The following SERGEF variants were observed in gnomAD, a reference collection of about 807,000 sequenced individuals.
SERGEF encodes the protein secretion-regulating guanine nucleotide exchange factor.
SERGEF carries 51 observed loss-of-function variants against 50.0 expected under a neutral mutation model. The ratio of observed to expected loss-of-function variants is 1.02; its 90% CI spans 0.81 to 1.29. SERGEF has a LOEUF of 1.29. Among genes scored for constraint, SERGEF ranks in the 50% most tolerant of loss-of-function variants. SERGEF has a pLI of 0.00. For missense variants in SERGEF, 521 were observed against 557.0 expected (o/e 0.94, Z 0.65); for synonymous variants, 205 against 212.4 (o/e 0.97, Z 0.30).
At chr11:17,903,317 G>A (rs1175790115) in intron 9 of SERGEF, among the ~76,000 whole-genome samples, 2 of 152,182 alleles carry the variant, frequency 1.3e-5, no homozygotes, top group African/African-American at 4.8e-5. Context: ...GTTGAGAGTG[G>A]GGGCAGAAAC....
intron 4 of SERGEF, among the ~76,000 whole-genome samples, chr11:18,002,657 G>A (rs1001338414): frequency 6.6e-6 from 1 of 152,068 alleles, no homozygotes; most frequent in African/African-American, 2.4e-5. Context: ...CTCCTTTGGG[G>A]ATATACATGC....
intron 10 of SERGEF, among the ~76,000 whole-genome samples, chr11:17,875,246 G>A (rs1416880211): frequency 2.0e-5 from 3 of 152,212 alleles, no homozygotes; most frequent in Non-Finnish European, 4.4e-5. Flanking sequence ...ATTTATTGCT[G>A]TAACCGTAGG....
At chr11:17,815,967 T>C (rs1168870156) in intron 10 of SERGEF, among the ~76,000 whole-genome samples, 1 of 152,036 alleles carries the variant, frequency 6.6e-6, no homozygotes, top group Non-Finnish European at 1.5e-5. Flanking sequence ...CCTCAAATAC[T>C]AAGGGGAAGA....
intron 10 of SERGEF, among the ~76,000 whole-genome samples, chr11:17,862,587 G>A (rs1003676300): frequency 6.6e-6 from 1 of 152,204 alleles, no homozygotes; most frequent in Admixed American, 6.5e-5. Flanking sequence ...ACATTTAAGG[G>A]CTTTAGGTGC....
Position 17,878,264 on chromosome 11 carries a change from C to G in SERGEF, c.1012-20G>C. The stretch of plus-strand genomic sequence containing the variant: ...AGAGACCTGTAAAAAAAAAAAAAGA[C>G]AAAGAAAATGGATAGATATTTCAGC... On this transcript the variant is annotated intron_variant, in intron 9 of 10. Coordinates refer to ENST00000265965, the MANE Select transcript of SERGEF (RefSeq NM_012139.4). The G allele has an allele frequency of 6.8e-7, 1 of 1,467,424 alleles. No homozygotes were observed. The highest frequency in any genetic ancestry group is 9.4e-7 in the Non-Finnish European group (1 of 1,061,654). 90.9% of individuals were successfully genotyped at this position (1,467,424 alleles called of 1,614,324 possible).
chr11:17,863,769 C>G (rs559973307), intron 10 of SERGEF: 21 of 152,344 alleles, frequency 1.4e-4, no homozygotes, highest in Admixed American at 9.2e-4. Flanking sequence ...GGCACATCAT[C>G]AGACACTAGT....
At chr11:17,859,601 A>G (rs1850889210) in intron 10 of SERGEF, among the ~76,000 whole-genome samples, 1 of 152,222 alleles carries the variant, frequency 6.6e-6, no homozygotes, top group Non-Finnish European at 1.5e-5. Flanking sequence ...ATACCAGAAC[A>G]ATGAATAAAG....
At chr11:17,832,660 G>T (rs1296597806) in intron 10 of SERGEF, among the ~76,000 whole-genome samples, 1 of 152,168 alleles carries the variant, frequency 6.6e-6, no homozygotes, top group Non-Finnish European at 1.5e-5. Context: ...AGACTTGCTG[G>T]ATGGCTATGA....
chr11:17,954,767 T>G (rs1590216335), intron 9 of SERGEF, among the ~76,000 whole-genome samples: 1 of 152,308 alleles, frequency 6.6e-6, no homozygotes, highest in East Asian at 1.9e-4. Context: ...GGGCAGAATT[T>G]AAACCAGGAA....
Position 17,907,050 on chromosome 11 carries a change from C to T in SERGEF, c.1012-28806G>A, listed in dbSNP as rs533796809. On this transcript the variant is annotated intron_variant, in intron 9 of 10. Coordinates refer to ENST00000265965, the MANE Select transcript of SERGEF (RefSeq NM_012139.4). ...TTCTCCTCGCCCAGTCCATGACCCT[C>T]GGAAAGCTATTTCCAGTGTCTTGGG... Among the ~76,000 whole-genome samples, 5 of 150,812 alleles carry T rather than the reference C, an allele frequency of 3.3e-5. No individual in the cohort carries two copies. The South Asian group carries it at 6.3e-4, about 19-fold the overall frequency.
intron 9 of SERGEF, among the ~76,000 whole-genome samples, chr11:17,925,107 T>C (rs1447599787): frequency 2.6e-5 from 4 of 152,204 alleles, no homozygotes; most frequent in Non-Finnish European, 5.9e-5. Context: ...AGGTCCTCCT[T>C]GTACTTCAGA....
chr11:17,902,391 T>C (rs936975978), intron 9 of SERGEF, among the ~76,000 whole-genome samples: 9 of 152,196 alleles, frequency 5.9e-5, no homozygotes, highest in African/African-American at 2.2e-4. Context: ...CACCCGGCTA[T>C]GGCTGGTGGA....
intron 9 of SERGEF, among the ~76,000 whole-genome samples, chr11:17,908,223 A>T (rs1851887382): frequency 6.6e-6 from 1 of 152,122 alleles, no homozygotes; most frequent in Admixed American, 6.5e-5. Context: ...GTCCTATACA[A>T]TCTGGTTCCA....
At chr11:17,912,089 G>T (rs1230253871) in intron 9 of SERGEF, among the ~76,000 whole-genome samples, 1 of 152,112 alleles carries the variant, frequency 6.6e-6, no homozygotes, top group African/African-American at 2.4e-5. Context: ...ATCCAAGAGG[G>T]AGAAACAAAA....
chr11:17,970,692 A>G (rs761204577), intron 8 of SERGEF, among the ~76,000 whole-genome samples: 2 of 152,228 alleles, frequency 1.3e-5, no homozygotes, highest in Non-Finnish European at 2.9e-5. Flanking sequence ...CACCCTAATG[A>G]TAAGAAAGCA....
At chr11:17,795,415 C>T (rs1030082414) in intron 10 of SERGEF, among the ~76,000 whole-genome samples, 4 of 152,188 alleles carry the variant, frequency 2.6e-5, no homozygotes, top group African/African-American at 9.7e-5. Flanking sequence ...CAGGTCCTCA[C>T]GTCCCTTGCC....
chr11:17,884,471 T>A lies in SERGEF; in HGVS notation c.1012-6227A>T, dbSNP rs1277714438. 6.6e-6 allele frequency among the ~76,000 whole-genome samples: 1 copy of A among 152,120 alleles called. No homozygotes were observed. The highest frequency in any genetic ancestry group is 1.5e-5 in the Non-Finnish European group (1 of 68,038). On this transcript the variant is annotated intron_variant, in intron 9 of 10. Coordinates refer to ENST00000265965, the MANE Select transcript of SERGEF (RefSeq NM_012139.4). This position sits in a 1 kb window ranked among gnomAD's most constrained non-coding sequence, Gnocchi z 4.6. ...CAAACCCGGTTTCCATCCGTGTATC[T>A]CTGGGGTGACAACCAGAATTTCCAA...
At chr11:17,863,756 C>T (rs781066028) in intron 10 of SERGEF, 4 of 152,242 alleles carry the variant, frequency 2.6e-5, no homozygotes, top group Non-Finnish European at 5.9e-5. Flanking sequence ...CATAACACTA[C>T]ATGGCACATC....
intron 10 of SERGEF, among the ~76,000 whole-genome samples, chr11:17,824,294 C>T (rs1366813456): frequency 1.4e-5 from 1 of 70,644 alleles, no homozygotes; most frequent in Non-Finnish European, 2.7e-5. Flanking sequence ...GAGCGAGACA[C>T]CGTCTCAAAA....
Sources: gnomAD v4.1 joint callset for allele counts (sites outside exome capture counted in the v4.1 genomes callset) on GRCh38, gnomAD v4.1.1 for gene constraint, Gnocchi (gnomAD v3.1) non-coding constraint, MANE v1.5 for transcripts, NCBI Gene and HGNC (gene_info 2026-07-23, HGNC 2026-07-21) for gene names.